Variants in C3orf20 observed in about 807,000 individuals in gnomAD.
The protein encoded by C3orf20 is uncharacterized protein C3orf20.
In C3orf20, 76 loss-of-function variants were observed where a neutral mutation model predicts 88.3. The ratio of observed to expected loss-of-function variants is 0.86; its 90% CI spans 0.72 to 1.04. The LOEUF is 1.04. C3orf20 is among the 50% of genes least tolerant of loss of function. C3orf20 has a pLI of 0.00. For synonymous variants in C3orf20, 436 were observed against 437.4 expected, an observed-to-expected ratio of 1.00 and a Z score of 0.04; for missense variants, 1,056 against 1,123.3, an observed-to-expected ratio of 0.94 and a Z score of 0.86.
At position 14,748,366 on chromosome 3, in the gene C3orf20, C is replaced by G. The variant is rs377240211; in HGVS notation, c.1941-9005C>G. ...TTGCAACTTTTCTCTTTTAGTCAGT[C>G]TAGCTAAATATTTAGTCTGCTCTAT... On this transcript the variant is annotated intron_variant, in intron 12 of 16. Transcript: ENST00000253697. Among the ~76,000 whole-genome samples the G allele has an allele frequency of 2.4e-4, 37 of 152,236 alleles. No homozygotes were observed. In the South Asian group the frequency reaches 2.5e-3, roughly 10 times the overall value.
chr3:14,676,432 TA>T (rs1053196048), intron 1 of C3orf20, among the ~76,000 whole-genome samples: 1 of 152,248 alleles, frequency 6.6e-6, no homozygotes, highest in Non-Finnish European at 1.5e-5. Context: ...AATCAGTGTA[TA>T]CACACCATTT....
intron 9 of C3orf20, among the ~76,000 whole-genome samples, chr3:14,719,987 G>T (rs909692733): frequency 1.3e-5 from 2 of 151,896 alleles, no homozygotes; most frequent in Middle Eastern, 3.4e-3. Flanking sequence ...GGACAAGAGA[G>T]AGGAGGGTTT....
In C3orf20 at chr3:14,682,801, A is replaced by G. The variant is rs573543033; in HGVS notation, c.88A>G (p.Met30Val). The G allele has an allele frequency of 6.2e-7, 1 of 1,614,170 alleles. No homozygotes were observed. The highest frequency in any genetic ancestry group is 1.3e-5 in the African/African-American group (1 of 75,036). Residue 30 changes from methionine (M) to valine (V), a missense_variant, in exon 3 of 17, where the codon ATG (methionine) becomes GTG (valine). Physicochemically the swap from Met to Val is conservative, Grantham distance 21. Transcript: ENST00000253697. ...KLLARISKLL[M>V]ICQNAGISVP... ...ACTGGCCCGCATCTCCAAACTCCTC[A>G]TGATCTGCCAGAATGCAGGCATTTC...
intron 13 of C3orf20, among the ~76,000 whole-genome samples, chr3:14,759,132 G>A (rs1256454564): frequency 4.6e-5 from 7 of 152,208 alleles, no homozygotes; most frequent in Admixed American, 4.6e-4. Flanking sequence ...AGCAGGCCTG[G>A]AGGACAGACT....
At chr3:14,771,996 G>T (rs1214283198) in intron 15 of C3orf20, 71 bp from the exon 16 acceptor site, 3 of 1,588,904 alleles carry the variant, frequency 1.9e-6, no homozygotes, top group South Asian at 2.3e-5. Flanking sequence ...CAGGCTCCCA[G>T]AACACTGATG....
chr3:14,682,510 G>A (rs2032146286), intron 2 of C3orf20, 68 bp from the exon 3 acceptor site: 1 of 637,600 alleles, frequency 1.6e-6, no homozygotes, highest in Non-Finnish European at 2.7e-6. Flanking sequence ...GTAGGTAAGG[G>A]ACGGGGGACC....
chr3:14,755,897 T>C (rs554854297), intron 12 of C3orf20, among the ~76,000 whole-genome samples: 2 of 151,344 alleles, frequency 1.3e-5, no homozygotes, highest in Non-Finnish European at 2.9e-5. Context: ...GGCGTGGTGG[T>C]GGGCGCCTGT....
At chr3:14,726,306 C>T (rs2034342316) in intron 10 of C3orf20, among the ~76,000 whole-genome samples, 1 of 152,210 alleles carries the variant, frequency 6.6e-6, no homozygotes, top group Admixed American at 6.5e-5. Flanking sequence ...AATTACCAGT[C>T]AGCTTCTGTA....
At chr3:14,758,732 G>A (rs959869872) in intron 13 of C3orf20, among the ~76,000 whole-genome samples, 6 of 152,144 alleles carry the variant, frequency 3.9e-5, no homozygotes, top group Admixed American at 6.5e-5. Flanking sequence ...ACTCTGGCAC[G>A]TCCACCCTCG....
At chr3:14,745,104 G>A (rs1446534810) in intron 12 of C3orf20, among the ~76,000 whole-genome samples, 1 of 152,204 alleles carries the variant, frequency 6.6e-6, no homozygotes, top group Admixed American at 6.5e-5. Context: ...TGACAAATCT[G>A]TTTGCCTGTT....
intron 4 of C3orf20, among the ~76,000 whole-genome samples, chr3:14,685,606 T>C (rs1001758584): frequency 6.6e-6 from 1 of 152,044 alleles, no homozygotes; most frequent in Non-Finnish European, 1.5e-5. Context: ...ATATTAGTTC[T>C]CCACAATTCA....
intron 7 of C3orf20, among the ~76,000 whole-genome samples, chr3:14,711,062 C>T (rs2033715214): frequency 6.6e-6 from 1 of 151,812 alleles, no homozygotes; most frequent in African/African-American, 2.4e-5. Context: ...CCTGGCTAAA[C>T]TTTTTTGTAT....
At chr3:14,764,507 A>ATTGTTGTTGTTG (rs962763180) in intron 15 of C3orf20, among the ~76,000 whole-genome samples, 1 of 132,758 alleles carries the variant, frequency 7.5e-6, no homozygotes, top group African/African-American at 3.1e-5. Context: ...TATTATTATT[A>ATTGTTGTTGTTG]TTGTTGTTGT....
chr3:14,752,800 G>A (rs548438071), intron 12 of C3orf20, among the ~76,000 whole-genome samples: 6 of 152,256 alleles, frequency 3.9e-5, no homozygotes, highest in East Asian at 1.9e-4. Context: ...ATCATCTCAC[G>A]CCAGTTAGAA....
At chr3:14,677,841 G>A (rs2031860785) in intron 1 of C3orf20, among the ~76,000 whole-genome samples, 1 of 152,156 alleles carries the variant, frequency 6.6e-6, no homozygotes, top group Admixed American at 6.5e-5. Flanking sequence ...TAAGTGTGCT[G>A]TGGGTGCAGC....
chr3:14,751,231 C>A (rs2035210306), intron 12 of C3orf20, among the ~76,000 whole-genome samples: 1 of 152,096 alleles, frequency 6.6e-6, no homozygotes, highest in Non-Finnish European at 1.5e-5. Context: ...TTTCCTTTAG[C>A]TCTTTAAATA....
intron 7 of C3orf20, among the ~76,000 whole-genome samples, chr3:14,710,236 T>C (rs1331985112): frequency 6.6e-6 from 1 of 152,074 alleles, no homozygotes; most frequent in Non-Finnish European, 1.5e-5. Context: ...TTTAGGAATT[T>C]GAGTCTTTCT....
At chr3:14,766,884 G>C (rs1559450669) in intron 15 of C3orf20, 1 of 152,230 alleles carries the variant, frequency 6.6e-6, no homozygotes, top group Non-Finnish European at 1.5e-5. Context: ...CCTGAGTGTG[G>C]CCAGAGCTGT....
rs374064853 is a variant in C3orf20 at position 14,772,757 on chromosome 3, C to G, written c.2631-34C>G. The G allele has an allele frequency of 3.2e-6, 5 of 1,577,588 alleles. No individual in the cohort carries two copies. The highest frequency in any genetic ancestry group is 4.4e-6 in the Non-Finnish European group (5 of 1,147,678). On this transcript the variant is annotated intron_variant, in intron 16 of 16. Coordinates refer to ENST00000253697, the MANE Select transcript of C3orf20 (RefSeq NM_032137.5). The surrounding 1 kb of genome is among the most constrained non-coding windows in gnomAD (Gnocchi z 4.2). The stretch of plus-strand genomic sequence containing the variant: ...GCTCTGGGCACTGTGAAGAACAGCC[C>G]TTCCGCCTCCCGGCCCTCTATTTTG...
Sources: allele counts gnomAD v4.1 joint callset (sites outside exome capture counted in the v4.1 genomes callset), GRCh38; gene constraint gnomAD v4.1.1; non-coding constraint Gnocchi (gnomAD v3.1); transcripts MANE v1.5; gene names NCBI Gene and HGNC (gene_info 2026-07-23, HGNC 2026-07-21).